Variants in ATP7A observed in about 807,000 individuals in gnomAD.
The protein encoded by ATP7A is ATPase copper transporting alpha, also known as copper-transporting ATPase 1.
In ATP7A, 7 loss-of-function variants were observed where a neutral mutation model predicts 83.5. The observed-to-expected ratio is 0.08, with a 90% CI of 0.05 to 0.16. The LOEUF (loss-of-function observed/expected upper bound fraction) is 0.16, where lower values mean the gene tolerates loss of function less well. ATP7A is among the 10% of genes least tolerant of loss of function. The pLI, the probability that ATP7A is intolerant of heterozygous loss-of-function variation, is 1.00. For missense variants in ATP7A, 940 were observed against 1,120.8 expected, an observed-to-expected ratio of 0.84 and a Z score of 2.30; for synonymous variants, 354 against 395.2, an observed-to-expected ratio of 0.90 and a Z score of 1.24.
chrX:78,002,571 A>G (rs1603383706), intron 5 of ATP7A, among the ~76,000 whole-genome samples: 1 of 111,485 alleles, frequency 9.0e-6, no homozygotes, highest in East Asian at 2.8e-4. Flanking sequence ...GATGATATTG[A>G]AGAATTATTT....
chrX:77,929,258 C>T, intron 1 of ATP7A, among the ~76,000 whole-genome samples: 1 of 111,926 alleles, frequency 8.9e-6, no homozygotes, highest in East Asian at 2.8e-4. Context: ...ACAAAGCTGA[C>T]CTGCCATTGT....
chrX:78,035,322 G>A (rs1319345357), intron 17 of ATP7A, among the ~76,000 whole-genome samples: 19 of 111,521 alleles, frequency 1.7e-4, no homozygotes, highest in African/African-American at 5.5e-4. Context: ...CCTCCCTCCC[G>A]ATTTGTGCCT....
chrX:77,946,985 C>T (rs782630600), intron 1 of ATP7A, among the ~76,000 whole-genome samples: 1 of 111,291 alleles, frequency 9.0e-6, no homozygotes, highest in African/African-American at 3.3e-5. Context: ...TCATAGTAGC[C>T]CAAAGGTGGT....
At chrX:78,022,070 C>T (rs2077909804) in intron 14 of ATP7A, among the ~76,000 whole-genome samples, 1 of 111,833 alleles carries the variant, frequency 8.9e-6, no homozygotes, top group Admixed American at 9.5e-5. Flanking sequence ...TAACAGGACT[C>T]AATCTCATTT....
rs782656565 is a variant in ATP7A, at chrX:78,011,710, T to C, written c.2172+36T>C. 2.5e-6 allele frequency: 3 copies of C among 1,178,104 alleles called. No homozygotes were observed. In the Admixed American group the frequency reaches 6.6e-5, roughly 26 times the overall value. The stretch of plus-strand genomic sequence containing the variant: ...TGTTAGCAAATATATTTGTTAATAA[T>C]AAAAAATAAGCAAAATTTGGCAGGC... On this transcript the variant is annotated intron_variant, in intron 9 of 22. Transcript: ENST00000341514.
intron 1 of ATP7A, among the ~76,000 whole-genome samples, chrX:77,948,285 GC>G (rs1438099906): frequency 1.8e-5 from 2 of 108,304 alleles, no homozygotes; most frequent in Non-Finnish European, 3.8e-5. Flanking sequence ...CCATCACTAC[GC>G]CCCGCTAATG....
chrX:77,931,850 G>C (rs2077281342), intron 1 of ATP7A, among the ~76,000 whole-genome samples: 1 of 100,514 alleles, frequency 9.9e-6, no homozygotes, highest in Admixed American at 1.0e-4. Flanking sequence ...CCCGGACGGG[G>C]CGGCTGGCCG....
At chrX:77,932,450 G>A (rs1244438286) in intron 1 of ATP7A, among the ~76,000 whole-genome samples, 3 of 94,425 alleles carry the variant, frequency 3.2e-5, no homozygotes, top group South Asian at 5.1e-4. Context: ...GGCTCCTCAC[G>A]TCCCAGACGA....
intron 1 of ATP7A, among the ~76,000 whole-genome samples, chrX:77,918,691 G>A (rs1011936846): frequency 2.7e-5 from 3 of 111,317 alleles, no homozygotes; most frequent in Admixed American, 9.6e-5. Context: ...AGTAGATCCC[G>A]ATTTGCAGGT....
intron 1 of ATP7A, chrX:77,966,947 C>T: frequency 7.2e-6 from 2 of 279,316 alleles, no homozygotes; most frequent in Middle Eastern, 9.7e-4. Context: ...GTTCCCCTCC[C>T]TGTGTCCATG....
At chrX:78,003,017 A>G (rs2077750958) in intron 5 of ATP7A, 56 bp from the exon 6 acceptor site, 1 of 1,080,866 alleles carries the variant, frequency 9.3e-7, no homozygotes, top group South Asian at 1.9e-5. Flanking sequence ...TAATTATAAC[A>G]TTACTCTTTT....
chrX:78,011,733 G>T, intron 9 of ATP7A, 59 bp downstream of exon 9: 8 of 1,082,025 alleles, frequency 7.4e-6, no homozygotes, highest in Non-Finnish European at 9.0e-6. Context: ...AAATTTGGCA[G>T]GCAAGGTTTA....
At chrX:78,023,473 G>T (rs1211107925) in intron 14 of ATP7A, among the ~76,000 whole-genome samples, 5 of 96,098 alleles carry the variant, frequency 5.2e-5, no homozygotes, top group Admixed American at 2.2e-4. Context: ...GTTATTTTTT[G>T]ATTTTTTTAA....
At chrX:77,926,780 G>A (rs963162645) in intron 1 of ATP7A, among the ~76,000 whole-genome samples, 4 of 108,486 alleles carry the variant, frequency 3.7e-5, no homozygotes, top group Non-Finnish European at 5.7e-5. Flanking sequence ...TCAGCTCACT[G>A]CAACCTCCAC....
At chrX:77,971,878 G>A (rs2149073948) in intron 2 of ATP7A, 117 bp downstream of exon 2, 1 of 841,954 alleles carries the variant, frequency 1.2e-6, no homozygotes, top group East Asian at 3.2e-5. Context: ...AAAAACTATT[G>A]TACTTCTTAT....
At chrX:77,934,688 A>T (rs1557224904) in intron 1 of ATP7A, among the ~76,000 whole-genome samples, 1 of 110,333 alleles carries the variant, frequency 9.1e-6, no homozygotes, top group Non-Finnish European at 1.9e-5. Flanking sequence ...TAGCACTCTA[A>T]AAGTTTCAGA....
intron 17 of ATP7A, among the ~76,000 whole-genome samples, chrX:78,037,705 A>G (rs1157238878): frequency 9.0e-6 from 1 of 111,409 alleles, no homozygotes; most frequent in Non-Finnish European, 1.9e-5. Flanking sequence ...GAGGGAGTGA[A>G]CAGCTGTGTT....
intron 1 of ATP7A, among the ~76,000 whole-genome samples, chrX:77,937,466 A>G (rs2077326116): frequency 8.9e-6 from 1 of 112,361 alleles, no homozygotes; most frequent in Non-Finnish European, 1.9e-5. Context: ...TATCTCTCCA[A>G]GAGAAATGAA....
At chrX:78,029,180 G>A in intron 14 of ATP7A, 70 bp from the exon 15 acceptor site, 1 of 1,059,168 alleles carries the variant, frequency 9.4e-7, no homozygotes, top group African/African-American at 1.8e-5. Flanking sequence ...TTTAAATAGT[G>A]TTAAGTTTTG....
Sources: gnomAD v4.1 joint callset for allele counts (sites outside exome capture counted in the v4.1 genomes callset) on GRCh38, gnomAD v4.1.1 for gene constraint, MANE v1.5 for transcripts, NCBI Gene and HGNC (gene_info 2026-07-23, HGNC 2026-07-21) for gene names.